Variants in SMARCAL1 observed in about 807,000 individuals in gnomAD.
The protein encoded by SMARCAL1 is SNF2 related chromatin remodeling annealing helicase 1, also known as ATP-driven annealing helicase.
A neutral mutation model predicts 94.5 loss-of-function variants in SMARCAL1; 58 were observed. The observed-to-expected ratio is 0.61, with a 90% CI of 0.50 to 0.76. The LOEUF (loss-of-function observed/expected upper bound fraction) is 0.76, where lower values mean the gene tolerates loss of function less well. Among genes scored for constraint, SMARCAL1 ranks in the 30% least tolerant of loss-of-function variants. SMARCAL1 has a pLI of 0.00. For synonymous variants in SMARCAL1, 422 were observed against 455.1 expected, an observed-to-expected ratio of 0.93 and a Z score of 0.93; for missense variants, 1,051 against 1,177.9, an observed-to-expected ratio of 0.89 and a Z score of 1.58.
chr2:216,471,695 A>G (rs1694968651), intron 14 of SMARCAL1, among the ~76,000 whole-genome samples: 1 of 152,150 alleles, frequency 6.6e-6, no homozygotes. Flanking sequence ...ACATTTTTGG[A>G]GGGCAGTTTG....
intron 10 of SMARCAL1, 92 bp from the exon 11 acceptor site, chr2:216,446,926 G>C: frequency 6.7e-7 from 1 of 1,503,364 alleles, no homozygotes. Flanking sequence ...CTTTTTCTGG[G>C]GGCATCCAGC....
intron 10 of SMARCAL1, 149 bp downstream of exon 10, chr2:216,438,634 C>G (rs1310673083): frequency 1.4e-6 from 1 of 724,158 alleles, no homozygotes; most frequent in East Asian, 2.7e-5. Flanking sequence ...GCATCTGTCT[C>G]TCTCCTTAGG....
chr2:216,414,790 T>C lies in SMARCAL1; in HGVS notation c.86T>C (p.Leu29Ser). The change falls in exon 3 of 18, where the codon TTG (leucine) becomes TCG (serine). Residue 29 changes from leucine to serine, a missense_variant. Leu to Ser is a moderately radical substitution (Grantham distance 145). This residue lies in a region of SMARCAL1 where 398 missense variants were observed against 395.2 expected (regional missense o/e 1.01). Transcript: ENST00000357276. Reference sequence around the variant, plus strand: ...CTGGCCCGCAGAGCTGAGAAGTTATTGGCAGAACAGCATCAGAGGACTAGC... The same window carrying C: ...CTGGCCCGCAGAGCTGAGAAGTTATCGGCAGAACAGCATCAGAGGACTAGC... ...KALARRAEKL[L>S]AEQHQRTSSG... 6.2e-7 allele frequency: 1 copy of C among 1,614,188 alleles called. No individual in the cohort carries two copies. Among genetic ancestry groups the C allele is most frequent in the Non-Finnish European group, 8.5e-7 (1 of 1,180,032 alleles).
intron 10 of SMARCAL1, chr2:216,446,654 T>G (rs906111379): frequency 1.3e-5 from 6 of 468,318 alleles, no homozygotes; most frequent in Non-Finnish European, 2.6e-5. Flanking sequence ...CTTGTGAATT[T>G]TTTGCAGCAT....
At chr2:216,443,101 G>C (rs939452285) in intron 10 of SMARCAL1, among the ~76,000 whole-genome samples, 8 of 152,058 alleles carry the variant, frequency 5.3e-5, no homozygotes, top group African/African-American at 1.9e-4. Context: ...ACCTTAGGCC[G>C]GGCGCAGTGG....
chr2:216,434,370 A>G (rs1694029368), intron 8 of SMARCAL1, among the ~76,000 whole-genome samples: 1 of 152,212 alleles, frequency 6.6e-6, no homozygotes, highest in South Asian at 2.1e-4. Flanking sequence ...CGACATAAGT[A>G]GTCTCGTCAT....
chr2:216,482,955 A>G lies in SMARCAL1; in HGVS notation c.2843A>G (p.Asp948Gly). 1.2e-6 allele frequency: 2 copies of G among 1,614,202 alleles called. No homozygotes were observed. Among genetic ancestry groups the G allele is most frequent in the Non-Finnish European group, 1.7e-6 (2 of 1,180,016 alleles). ...AGATTTGAATTTTTTGATAACTGGG[A>G]CAGCTTTACGTCTCCCCTGTAAAAG... ...KRRFEFFDNW[D>G]SFTSPL Residue 948 changes from aspartate to glycine, a missense_variant, in exon 18 of 18, where the codon GAC becomes GGC. Physicochemically the swap from Asp to Gly is moderately conservative, Grantham distance 94. Around this residue, in one of 3 missense-constraint regions of SMARCAL1, gnomAD observed 642 missense variants for 754.7 expected, o/e 0.85. Coordinates refer to ENST00000357276, the MANE Select transcript of SMARCAL1 (RefSeq NM_014140.4). This position sits in a 1 kb window ranked among gnomAD's most constrained non-coding sequence, Gnocchi z 4.3.
intron 15 of SMARCAL1, among the ~76,000 whole-genome samples, chr2:216,476,051 TCA>T (rs551843447): frequency 1.1e-3 from 161 of 152,218 alleles, no homozygotes; most frequent in African/African-American, 2.8e-3. Flanking sequence ...ACAATGGACC[TCA>T]CACAGAGTGA....
At position 216,420,547 on chromosome 2, in the gene SMARCAL1, T is replaced by C; in HGVS notation, c.1096+15T>C. The C allele has an allele frequency of 1.3e-6, 2 of 1,588,354 alleles. No homozygotes were observed. Among genetic ancestry groups the C allele is most frequent in the Non-Finnish European group, 1.7e-6 (2 of 1,156,646 alleles). ...CAGAAGATATGGCAAGTAATTGGTC[T>C]TTGTCTGATTCCCAGAATGTGTAGT... On this transcript the variant is annotated intron_variant, in intron 5 of 17. Coordinates refer to ENST00000357276, the MANE Select transcript of SMARCAL1 (RefSeq NM_014140.4).
intron 10 of SMARCAL1, among the ~76,000 whole-genome samples, chr2:216,443,738 G>T (rs1694248846): frequency 6.6e-6 from 1 of 152,208 alleles, no homozygotes; most frequent in Non-Finnish European, 1.5e-5. Context: ...CATGTATAAA[G>T]TATCACTGAG....
At chr2:216,450,746 G>T in intron 11 of SMARCAL1, 100 bp from the exon 12 acceptor site, 1 of 872,204 alleles carries the variant, frequency 1.1e-6, no homozygotes, top group East Asian at 2.5e-5. Context: ...AGCTAAGCCA[G>T]GGGTGGTTGT....
chr2:216,478,509 G>A (rs1339835196), intron 17 of SMARCAL1, among the ~76,000 whole-genome samples: 1 of 152,182 alleles, frequency 6.6e-6, no homozygotes, highest in South Asian at 2.1e-4. Flanking sequence ...TACAGCTGCT[G>A]ACATTCCCGC....
At chr2:216,420,257 C>T (rs1396502943) in intron 4 of SMARCAL1, 42 bp from the exon 5 acceptor site, 2 of 1,508,870 alleles carry the variant, frequency 1.3e-6, no homozygotes, top group Non-Finnish European at 1.8e-6. Context: ...ACATCATAGT[C>T]CCCTGCTTTA....
chr2:216,473,365 CT>C (rs74269760), intron 14 of SMARCAL1, among the ~76,000 whole-genome samples: 186 of 138,064 alleles, frequency 1.3e-3, no homozygotes, highest in Middle Eastern at 3.7e-3. Context: ...CTTGGTTTTC[CT>C]TTTTTTTTTT....
In SMARCAL1 at chr2:216,478,304, T is replaced by C. The variant is rs550109834; in HGVS notation, c.2625+5T>C. On this transcript the variant is annotated splice_donor_5th_base_variant and intron_variant, in intron 17 of 17. Transcript: ENST00000357276. ...TCCACTGATTACCTCTACAAGGTAA[T>C]GCCAGCACATGGCTCTTCACCCCTG... The C allele has an allele frequency of 6.2e-7, 1 of 1,604,284 alleles. No individual in the cohort carries two copies. The highest frequency in any genetic ancestry group is 8.5e-7 in the Non-Finnish European group (1 of 1,171,118).
intron 10 of SMARCAL1, among the ~76,000 whole-genome samples, chr2:216,446,282 C>G (rs950218641): frequency 6.6e-6 from 1 of 152,230 alleles, no homozygotes; most frequent in Non-Finnish European, 1.5e-5. Flanking sequence ...CAGGCTGCTG[C>G]ACATCTGGGC....
chr2:216,476,896 C>T (rs1355423085), intron 15 of SMARCAL1, among the ~76,000 whole-genome samples: 1 of 152,186 alleles, frequency 6.6e-6, no homozygotes, highest in Non-Finnish European at 1.5e-5. Flanking sequence ...CCAGCCAGGG[C>T]TGTTTTGGGT....
intron 14 of SMARCAL1, among the ~76,000 whole-genome samples, chr2:216,469,946 G>T (rs887426126): frequency 6.6e-6 from 1 of 151,926 alleles, no homozygotes; most frequent in Non-Finnish European, 1.5e-5. Flanking sequence ...TCTCATTCTT[G>T]CTCTAATTTG....
At chr2:216,446,688 T>A (rs1414960900) in intron 10 of SMARCAL1, 1 of 495,262 alleles carries the variant, frequency 2.0e-6, no homozygotes, top group Non-Finnish European at 4.0e-6. Flanking sequence ...ATTGGTTACT[T>A]GGCGTCAGGC....
Sources: gnomAD v4.1 joint callset for allele counts (sites outside exome capture counted in the v4.1 genomes callset) on GRCh38, gnomAD v4.1.1 for gene constraint, gnomAD v4.1.1 regional missense constraint, Gnocchi (gnomAD v3.1) non-coding constraint, MANE v1.5 for transcripts, NCBI Gene and HGNC (gene_info 2026-07-23, HGNC 2026-07-21) for gene names.